The following MTA3 variants were observed in gnomAD, a reference collection of about 807,000 sequenced individuals.
MTA3 encodes metastasis associated 1 family member 3, also known as metastasis-associated protein MTA3.
In MTA3, 34 loss-of-function variants were observed where a neutral mutation model predicts 83.5. The observed-to-expected ratio is 0.41, with a 90% CI of 0.31 to 0.54. The LOEUF is 0.54. MTA3 is among the 20% of genes least tolerant of loss of function. The pLI, the probability that MTA3 is intolerant of heterozygous loss-of-function variation, is 0.33. For synonymous variants in MTA3, 303 were observed against 252.7 expected (o/e 1.20, Z -1.89); for missense variants, 761 against 726.4 (o/e 1.05, Z -0.55).
chr2:42,506,158 A>T (rs1451776442), intron 2 of MTA3, among the ~76,000 whole-genome samples: 1 of 152,188 alleles, frequency 6.6e-6, no homozygotes, highest in East Asian at 1.9e-4. Flanking sequence ...ATAATAAAAA[A>T]GTAAAGCCCA....
At chr2:42,515,118 G>A (rs1336784905) in intron 2 of MTA3, among the ~76,000 whole-genome samples, 2 of 152,016 alleles carry the variant, frequency 1.3e-5, no homozygotes, top group African/African-American at 2.4e-5. Flanking sequence ...GAGTGCAGTG[G>A]TGCGATCTCG....
At chr2:42,688,589 T>G (rs1692600571) in intron 9 of MTA3, among the ~76,000 whole-genome samples, 1 of 151,034 alleles carries the variant, frequency 6.6e-6, no homozygotes, top group Non-Finnish European at 1.5e-5. Flanking sequence ...ATTTTGAGAG[T>G]TTGTTATGTA....
At chr2:42,740,055 T>G (rs552463179) in intron 16 of MTA3, among the ~76,000 whole-genome samples, 56 of 152,354 alleles carry the variant, frequency 3.7e-4, no homozygotes, top group African/African-American at 1.2e-3. Context: ...TATTGATATT[T>G]TGGCCTCCTC....
chr2:42,693,580 C>T (rs1175743374), intron 9 of MTA3, among the ~76,000 whole-genome samples: 2 of 152,110 alleles, frequency 1.3e-5, no homozygotes, highest in African/African-American at 4.8e-5. Context: ...ACACTTAAAG[C>T]CCATGGGCTC....
chr2:42,738,464 C>T lies in MTA3; in HGVS notation c.1760-14910C>T, dbSNP rs180933246. 5.3e-5 allele frequency among the ~76,000 whole-genome samples: 8 copies of T among 152,250 alleles called. No homozygotes were observed. The East Asian group carries it at 1.3e-3, about 26-fold the overall frequency. On this transcript the variant is annotated intron_variant, in intron 16 of 16. Transcript: ENST00000405094. ...TCAATACCCTTGTGATTTCCTATGC[C>T]CGTCTTTACTTCAATCTCTTAATCC...
chr2:42,587,857 C>A (rs762306383), intron 3 of MTA3, among the ~76,000 whole-genome samples: 1 of 152,148 alleles, frequency 6.6e-6, no homozygotes, highest in Admixed American at 6.6e-5. Flanking sequence ...CCACCTTGGC[C>A]TCCTAAGGTG....
At chr2:42,677,340 T>A (rs201896127) in intron 8 of MTA3, among the ~76,000 whole-genome samples, 101 of 152,164 alleles carry the variant, frequency 6.6e-4, no homozygotes, top group East Asian at 4.2e-3. Context: ...TGATTTATTT[T>A]TTTTTTATTT....
At chr2:42,598,411 C>G (rs1682115586) in intron 3 of MTA3, among the ~76,000 whole-genome samples, 1 of 152,160 alleles carries the variant, frequency 6.6e-6, no homozygotes, top group Non-Finnish European at 1.5e-5. Context: ...AATATAGTGC[C>G]TCTATATTTA....
intron 3 of MTA3, among the ~76,000 whole-genome samples, chr2:42,601,479 T>C (rs558865750): frequency 6.6e-6 from 1 of 152,280 alleles, no homozygotes; most frequent in Non-Finnish European, 1.5e-5. Context: ...CTTGTCTGTT[T>C]TGTTGTTGTT....
At chr2:42,706,566 G>A (rs58365862) in intron 12 of MTA3, among the ~76,000 whole-genome samples, 1,934 of 152,286 alleles carry the variant, frequency 0.013, 40 homozygotes, top group African/African-American at 0.043. Context: ...TTGAACATTT[G>A]AAGGTAACTT....
At chr2:42,660,764 C>G (rs1353455238) in intron 8 of MTA3, among the ~76,000 whole-genome samples, 3 of 152,118 alleles carry the variant, frequency 2.0e-5, no homozygotes, top group East Asian at 1.9e-4. Context: ...GGGTTTTTAA[C>G]TTTCTTATCA....
At chr2:42,559,058 C>T (rs1323126785) in intron 2 of MTA3, among the ~76,000 whole-genome samples, 1 of 152,150 alleles carries the variant, frequency 6.6e-6, no homozygotes, top group Non-Finnish European at 1.5e-5. Context: ...GGTAATCTCA[C>T]CAGTCTCCAG....
At chr2:42,532,047 C>T (rs980650974) in intron 2 of MTA3, among the ~76,000 whole-genome samples, 2 of 152,100 alleles carry the variant, frequency 1.3e-5, no homozygotes, top group African/African-American at 2.4e-5. Context: ...TGAGCCACCA[C>T]GCCCGACCAA....
intron 2 of MTA3, among the ~76,000 whole-genome samples, chr2:42,510,015 C>G (rs1674823103): frequency 6.6e-6 from 1 of 151,942 alleles, no homozygotes; most frequent in Non-Finnish European, 1.5e-5. Flanking sequence ...GCCGTGTCTG[C>G]CAGCTTCCCG....
intron 14 of MTA3, among the ~76,000 whole-genome samples, chr2:42,710,549 CAA>C (rs765315082): frequency 0.021 from 1,256 of 60,964 alleles, 6 homozygotes; most frequent in African/African-American, 0.084. Flanking sequence ...AACTTCATCT[CAA>C]AAAAAAAAAA....
chr2:42,525,475 A>C (rs933234885), intron 2 of MTA3, among the ~76,000 whole-genome samples: 3 of 135,506 alleles, frequency 2.2e-5, no homozygotes, highest in African/African-American at 8.4e-5. Flanking sequence ...GCTAGGATCA[A>C]TTCCTTCCTT....
chr2:42,580,862 T>G (rs1679540277), intron 3 of MTA3, among the ~76,000 whole-genome samples: 1 of 152,184 alleles, frequency 6.6e-6, no homozygotes, highest in Non-Finnish European at 1.5e-5. Context: ...GTGCTGGGAT[T>G]ACAGGTGTGA....
intron 2 of MTA3, among the ~76,000 whole-genome samples, chr2:42,558,027 C>A (rs941186894): frequency 1.3e-5 from 2 of 152,126 alleles, no homozygotes; most frequent in South Asian, 4.1e-4. Context: ...CATTGGCCAC[C>A]ACTTTGCCAA....
intron 4 of MTA3, among the ~76,000 whole-genome samples, chr2:42,633,277 C>CAA (rs1200964468): frequency 2.2e-5 from 3 of 137,626 alleles, no homozygotes; most frequent in Non-Finnish European, 3.2e-5. Flanking sequence ...AAGTCTGTCT[C>CAA]AAAAAAAAAA....
Sources: allele counts gnomAD v4.1 joint callset (sites outside exome capture counted in the v4.1 genomes callset), GRCh38; gene constraint gnomAD v4.1.1; transcripts MANE v1.5; gene names NCBI Gene and HGNC (gene_info 2026-07-23, HGNC 2026-07-21).